The following STXBP5L variants were observed in gnomAD, a reference collection of about 807,000 sequenced individuals.
STXBP5L encodes the protein syntaxin-binding protein 5-like.
A neutral mutation model predicts 144.5 loss-of-function variants in STXBP5L; 65 were observed. The ratio of observed to expected loss-of-function variants is 0.45; its 90% CI spans 0.37 to 0.55. The LOEUF (loss-of-function observed/expected upper bound fraction) is 0.55. Among genes scored for constraint, STXBP5L ranks in the 20% least tolerant of loss-of-function variants. The pLI is 0.00. For missense variants in STXBP5L, 1,298 were observed against 1,405.5 expected, an observed-to-expected ratio of 0.92 and a Z score of 1.22; for synonymous variants, 505 against 469.6, an observed-to-expected ratio of 1.08 and a Z score of -0.97.
At chr3:121,019,511 G>A (rs954492884) in intron 3 of STXBP5L, among the ~76,000 whole-genome samples, 1 of 152,114 alleles carries the variant, frequency 6.6e-6, no homozygotes, top group African/African-American at 2.4e-5. Context: ...CCTTCACAGA[G>A]TCCACTTCAC....
intron 5 of STXBP5L, among the ~76,000 whole-genome samples, chr3:121,087,703 T>G (rs2042564770): frequency 6.6e-6 from 1 of 151,922 alleles, no homozygotes; most frequent in Admixed American, 6.6e-5. Flanking sequence ...CTCCATTTTA[T>G]TTTTTGTTTT....
At chr3:121,315,242 C>A (rs916077652) in intron 19 of STXBP5L, among the ~76,000 whole-genome samples, 7 of 152,088 alleles carry the variant, frequency 4.6e-5, no homozygotes, top group African/African-American at 1.7e-4. Context: ...ACCCAAATGT[C>A]CATCAATGAT....
intron 5 of STXBP5L, among the ~76,000 whole-genome samples, chr3:121,110,668 T>C (rs746705201): frequency 6.6e-6 from 1 of 152,226 alleles, no homozygotes; most frequent in Non-Finnish European, 1.5e-5. Flanking sequence ...TATTTTGTCT[T>C]TCATTTCGAC....
chr3:121,045,412 A>G (rs1947445803), intron 4 of STXBP5L, 23 bp from the exon 5 acceptor site: 1 of 1,588,526 alleles, frequency 6.3e-7, no homozygotes, highest in Admixed American at 1.8e-5. Context: ...TCACACACTT[A>G]CTTTATCTTC....
At chr3:121,328,328 TAC>T (rs1381199710) in intron 20 of STXBP5L, among the ~76,000 whole-genome samples, 2 of 152,220 alleles carry the variant, frequency 1.3e-5, no homozygotes, top group East Asian at 3.8e-4. Context: ...TCTTGTGAAG[TAC>T]AGACAATTGT....
At chr3:121,333,481 G>A (rs761334452) in intron 20 of STXBP5L, among the ~76,000 whole-genome samples, 16 of 151,174 alleles carry the variant, frequency 1.1e-4, no homozygotes, top group African/African-American at 3.2e-4. Flanking sequence ...AGGACCAAGA[G>A]CAAACCAACC....
chr3:121,350,084 C>T (rs959636697), intron 20 of STXBP5L, among the ~76,000 whole-genome samples: 2 of 152,138 alleles, frequency 1.3e-5, no homozygotes, highest in Non-Finnish European at 2.9e-5. Flanking sequence ...CATGTTTTTG[C>T]AGTGGCTGGT....
Position 121,016,153 on chromosome 3 carries a change from A to C in STXBP5L, c.288-25547A>C, listed in dbSNP as rs776317850. On this transcript the variant is annotated intron_variant, in intron 3 of 26. Coordinates refer to ENST00000471454, the MANE Select transcript of STXBP5L (RefSeq NM_001308330.2). Reference sequence around the variant, plus strand: ...AAATACTCTAAAGGTCATTTACCTCAGTTCCTATTAATCAATACAAACGTG... The same window carrying C: ...AAATACTCTAAAGGTCATTTACCTCCGTTCCTATTAATCAATACAAACGTG... Among the ~76,000 whole-genome samples, 7 of 152,238 alleles carry C rather than the reference A, an allele frequency of 4.6e-5. No homozygotes were observed. In the East Asian group the frequency reaches 1.3e-3, roughly 29 times the overall value.
intron 9 of STXBP5L, among the ~76,000 whole-genome samples, chr3:121,178,335 G>A (rs914654203): frequency 6.6e-6 from 1 of 152,110 alleles, no homozygotes; most frequent in Non-Finnish European, 1.5e-5. Flanking sequence ...CTCCCTTACA[G>A]GTAAGTTGGC....
intron 2 of STXBP5L, among the ~76,000 whole-genome samples, chr3:120,939,810 T>G (rs1710472294): frequency 6.6e-6 from 1 of 152,144 alleles, no homozygotes; most frequent in Non-Finnish European, 1.5e-5. Flanking sequence ...TTAACATGGT[T>G]TCCGGTACAA....
chr3:121,189,147 A>G (rs1188762949), intron 9 of STXBP5L, among the ~76,000 whole-genome samples: 1 of 152,166 alleles, frequency 6.6e-6, no homozygotes, highest in African/African-American at 2.4e-5. Flanking sequence ...GTAGGTTGCA[A>G]AAATTTTCTC....
intron 20 of STXBP5L, among the ~76,000 whole-genome samples, chr3:121,321,583 T>G (rs924981515): frequency 3.9e-5 from 6 of 152,196 alleles, no homozygotes; most frequent in African/African-American, 1.4e-4. Flanking sequence ...GGGCCTGAGA[T>G]TTTGTATTTC....
intron 3 of STXBP5L, among the ~76,000 whole-genome samples, chr3:120,990,376 T>C (rs147799696): frequency 0.019 from 2,940 of 152,226 alleles, 88 homozygotes; most frequent in African/African-American, 0.066. Flanking sequence ...AAAATGGCCA[T>C]ACTGCCCAAG....
intron 10 of STXBP5L, among the ~76,000 whole-genome samples, chr3:121,215,242 A>G (rs747104905): frequency 7.2e-5 from 11 of 152,200 alleles, no homozygotes; most frequent in African/African-American, 9.7e-5. Flanking sequence ...TGATCCTGTC[A>G]TTATGACACT....
At chr3:121,195,483 T>A (rs2047885798) in intron 9 of STXBP5L, among the ~76,000 whole-genome samples, 1 of 152,210 alleles carries the variant, frequency 6.6e-6, no homozygotes, top group African/African-American at 2.4e-5. Context: ...TTTCTCTAAG[T>A]GTATTTCCAC....
intron 3 of STXBP5L, among the ~76,000 whole-genome samples, chr3:120,996,773 G>C (rs1236176685): frequency 6.6e-6 from 1 of 151,974 alleles, no homozygotes; most frequent in Admixed American, 6.6e-5. Flanking sequence ...CCATGTTGTT[G>C]CAAATGAGAG....
In STXBP5L at chr3:121,423,418, G is replaced by A. The variant is rs907475449; in HGVS notation, c.*4321G>A. ...CATAGCCCTGAAAGCATGAAATGTA[G>A]AATAGGTAAGGTCTGTCTTAGAAAA... On this transcript the variant is annotated 3_prime_UTR_variant, in exon 27 of 27. Transcript: ENST00000471454. The A allele has an allele frequency of 2.6e-5, 4 of 152,270 alleles. No individual in the cohort carries two copies. The highest frequency in any genetic ancestry group is 9.6e-5 in the African/African-American group (4 of 41,558). The allele number at this position is 152,270 out of a possible 1,614,324, so 9.4% of individuals were successfully genotyped here.
At chr3:121,056,968 C>T (rs909325311) in intron 5 of STXBP5L, among the ~76,000 whole-genome samples, 2 of 149,500 alleles carry the variant, frequency 1.3e-5, no homozygotes, top group African/African-American at 4.9e-5. Context: ...GGGAAAAAAG[C>T]GAGACAAAAT....
At chr3:121,339,167 T>C (rs1309977342) in intron 20 of STXBP5L, among the ~76,000 whole-genome samples, 1 of 152,240 alleles carries the variant, frequency 6.6e-6, no homozygotes, top group Non-Finnish European at 1.5e-5. Flanking sequence ...GCAGAAATCT[T>C]CAACAAAATA....
Sources: gnomAD v4.1 joint callset for allele counts (sites outside exome capture counted in the v4.1 genomes callset) on GRCh38, gnomAD v4.1.1 for gene constraint, MANE v1.5 for transcripts, NCBI Gene and HGNC (gene_info 2026-07-23, HGNC 2026-07-21) for gene names.